The following PLA2G6 variants were observed in gnomAD, a reference collection of about 807,000 sequenced individuals.
PLA2G6 encodes the protein phospholipase A2 group VI.
A neutral mutation model predicts 83.8 loss-of-function variants in PLA2G6; 62 were observed. The ratio of observed to expected loss-of-function variants is 0.74; its 90% CI spans 0.60 to 0.91. The LOEUF is 0.91. PLA2G6 is among the 40% of genes least tolerant of loss of function. PLA2G6 has a pLI of 0.00. For synonymous variants in PLA2G6, 417 were observed against 449.8 expected, an observed-to-expected ratio of 0.93 and a Z score of 0.92; for missense variants, 944 against 1,102.0, an observed-to-expected ratio of 0.86 and a Z score of 2.03.
intron 1 of PLA2G6, among the ~76,000 whole-genome samples, chr22:38,172,818 G>A (rs1460689222): frequency 2.6e-5 from 4 of 152,218 alleles, no homozygotes; most frequent in South Asian, 2.1e-4. Flanking sequence ...ACACCCCTTC[G>A]TCAATGGCCC....
In PLA2G6 at chr22:38,177,631, T is replaced by C. The variant is rs561891706; in HGVS notation, c.-46+4033A>G. Among the ~76,000 whole-genome samples the C allele has an allele frequency of 2.2e-3, 337 of 151,830 alleles. 1 individual carries two copies. The highest frequency in any genetic ancestry group is 8.1e-3 in the African/African-American group (333 of 41,358). On this transcript the variant is annotated intron_variant, in intron 1 of 16. Coordinates refer to ENST00000332509, the MANE Select transcript of PLA2G6 (RefSeq NM_003560.4). ...GCGCGCACCACCACACTCGGCTAAT[T>C]TTTTGTATTTTTAGTAGAAACGGGG...
At chr22:38,139,415 T>TTTTATTTATTTATTTATTTATTTATTTA (rs3041763) in intron 5 of PLA2G6, 10 of 147,340 alleles carry the variant, frequency 6.8e-5, no homozygotes, top group Non-Finnish European at 7.5e-5. Flanking sequence ...ATAAATTTAT[T>TTTTATTTATTTATTTATTTATTTATTTA]TTTATTTATT....
At chr22:38,176,989 G>A (rs1487716574) in intron 1 of PLA2G6, among the ~76,000 whole-genome samples, 1 of 151,080 alleles carries the variant, frequency 6.6e-6, no homozygotes, top group Non-Finnish European at 1.5e-5. Flanking sequence ...AGGCTGCAGT[G>A]AGCCGAGATC....
At chr22:38,168,170 A>T (rs553487939) in intron 2 of PLA2G6, 1 of 155,190 alleles carries the variant, frequency 6.4e-6, no homozygotes, top group South Asian at 2.0e-4. Flanking sequence ...CCTTAAAGAC[A>T]CAGGACATGT....
At chr22:38,170,263 C>T (rs1484474029) in intron 1 of PLA2G6, among the ~76,000 whole-genome samples, 4 of 151,964 alleles carry the variant, frequency 2.6e-5, no homozygotes, top group East Asian at 1.9e-4. Flanking sequence ...CAATGTCCCC[C>T]CTCCTAGATA....
At chr22:38,114,585 G>T (rs1047452337) in intron 14 of PLA2G6, among the ~76,000 whole-genome samples, 2 of 152,202 alleles carry the variant, frequency 1.3e-5, no homozygotes, top group Non-Finnish European at 2.9e-5. Flanking sequence ...CCATCCGCAC[G>T]CAATAGGAGA....
At chr22:38,129,360 T>C in intron 8 of PLA2G6, 94 bp downstream of exon 8, 1 of 878,896 alleles carries the variant, frequency 1.1e-6, no homozygotes, top group Non-Finnish European at 1.9e-6. Context: ...CAGCACAGGA[T>C]GCTGGCACCT....
chr22:38,157,400 G>A (rs2089827245), intron 2 of PLA2G6, among the ~76,000 whole-genome samples: 1 of 152,072 alleles, frequency 6.6e-6, no homozygotes. Context: ...TACCAAGATG[G>A]AACCGTGAAG....
intron 1 of PLA2G6, among the ~76,000 whole-genome samples, chr22:38,178,154 C>A (rs2090708129): frequency 6.6e-6 from 1 of 152,178 alleles, no homozygotes; most frequent in Non-Finnish European, 1.5e-5. Context: ...ACAGGGGTGA[C>A]TTTAAGAGAT....
Position 38,128,547 on chromosome 22 carries a change from ACGTGG to A in PLA2G6, c.1187-122_1187-118del. The A allele has an allele frequency of 8.7e-7, 1 of 1,153,924 alleles. No homozygotes were observed. Among genetic ancestry groups the A allele is most frequent in the Non-Finnish European group, 1.2e-6 (1 of 800,800 alleles). The allele number at this position is 1,153,924 out of a possible 1,614,324, so 71.5% of individuals were successfully genotyped here. A position where few individuals can be genotyped will look rare whatever the true frequency, so the allele number is the denominator to read the frequency against. On this transcript the variant is annotated intron_variant, in intron 8 of 16. Coordinates refer to ENST00000332509, the MANE Select transcript of PLA2G6 (RefSeq NM_003560.4). The surrounding 1 kb of genome is among the most constrained non-coding windows in gnomAD (Gnocchi z 4.4). ...CTGTCCCAGCTCCCAGGCCCTGGGC[ACGTGG>A]GCTGCTCCAGAGGCCTCAGCCCACC...
chr22:38,141,583 C>T (rs1194400328), intron 4 of PLA2G6: 1 of 152,192 alleles, frequency 6.6e-6, no homozygotes, highest in Non-Finnish European at 1.5e-5. Context: ...CCTCCCTGGG[C>T]ACGCTTCTTA....
intron 1 of PLA2G6, among the ~76,000 whole-genome samples, chr22:38,176,100 C>A (rs1234983316): frequency 6.6e-6 from 1 of 152,190 alleles, no homozygotes; most frequent in East Asian, 1.9e-4. Flanking sequence ...GTTCGCTCCT[C>A]CACCGGGAGA....
chr22:38,163,111 G>T (rs1754485808), intron 2 of PLA2G6, among the ~76,000 whole-genome samples: 1 of 152,066 alleles, frequency 6.6e-6, no homozygotes, highest in African/African-American at 2.4e-5. Flanking sequence ...GACCTCAGGG[G>T]GTCCTGGACC....
intron 6 of PLA2G6, chr22:38,134,664 T>G: frequency 2.7e-6 from 1 of 365,492 alleles, no homozygotes; most frequent in South Asian, 3.4e-5. Context: ...ACAATCATCA[T>G]CACGCCACCT....
At chr22:38,142,955 GT>G (rs2089008433) in intron 4 of PLA2G6, 149 bp downstream of exon 4, 1 of 792,652 alleles carries the variant, frequency 1.3e-6, no homozygotes. Flanking sequence ...CCAGGGAGGG[GT>G]CTGCACCCTC....
intron 2 of PLA2G6, among the ~76,000 whole-genome samples, chr22:38,159,455 C>T (rs1168762293): frequency 1.3e-5 from 2 of 151,908 alleles, no homozygotes; most frequent in Non-Finnish European, 2.9e-5. Flanking sequence ...ACAGGCTAGA[C>T]ATGTGACTCA....
intron 2 of PLA2G6, among the ~76,000 whole-genome samples, chr22:38,164,841 G>T (rs1365882454): frequency 6.6e-6 from 1 of 152,150 alleles, no homozygotes; most frequent in Non-Finnish European, 1.5e-5. Context: ...CTGGCCAGAG[G>T]CAAGTCCAGT....
chr22:38,117,486 C>T (rs11570745), intron 12 of PLA2G6, among the ~76,000 whole-genome samples: 50,104 of 151,884 alleles, frequency 0.33, 8,736 homozygotes, highest in South Asian at 0.43. Context: ...TGAGCCACTG[C>T]GCCTGGCCAA....
At chr22:38,164,120 G>A (rs145223030) in intron 2 of PLA2G6, among the ~76,000 whole-genome samples, 1 of 152,264 alleles carries the variant, frequency 6.6e-6, no homozygotes, top group Non-Finnish European at 1.5e-5. Context: ...TCTGTACCAG[G>A]AACAGAAGTA....
Sources: allele counts gnomAD v4.1 joint callset (sites outside exome capture counted in the v4.1 genomes callset), GRCh38; gene constraint gnomAD v4.1.1; non-coding constraint Gnocchi (gnomAD v3.1); transcripts MANE v1.5; gene names NCBI Gene and HGNC (gene_info 2026-07-23, HGNC 2026-07-21).